The following NAALADL2 variants were observed in gnomAD, a reference collection of about 807,000 sequenced individuals.
NAALADL2 encodes inactive N-acetylated-alpha-linked acidic dipeptidase-like protein 2.
A neutral mutation model predicts 87.2 loss-of-function variants in NAALADL2; 76 were observed. The ratio of observed to expected loss-of-function variants is 0.87; its 90% CI spans 0.72 to 1.05. The LOEUF (loss-of-function observed/expected upper bound fraction) is 1.05. Ranked by LOEUF, NAALADL2 falls within the 50% of genes least tolerant of loss-of-function variation. The pLI is 0.00. For missense variants in NAALADL2, 1,089 were observed against 945.8 expected (o/e 1.15, Z -1.99); for synonymous variants, 354 against 331.0 (o/e 1.07, Z -0.75).
chr3:175,279,585 A>T (rs1754008227), intron 4 of NAALADL2, among the ~76,000 whole-genome samples: 1 of 151,988 alleles, frequency 6.6e-6, no homozygotes, highest in African/African-American at 2.4e-5. Context: ...TGTCTCTTTA[A>T]AACCACATAC....
At chr3:175,571,468 C>A (rs185844784) in intron 9 of NAALADL2, among the ~76,000 whole-genome samples, 50 of 152,250 alleles carry the variant, frequency 3.3e-4, no homozygotes, top group Non-Finnish European at 6.6e-4. Context: ...TTGCTGCCAA[C>A]CTCCCCTCTT....
At chr3:174,705,039 T>A (rs1430106894) in intron 2 of NAALADL2, among the ~76,000 whole-genome samples, 1 of 152,162 alleles carries the variant, frequency 6.6e-6, no homozygotes, top group African/African-American at 2.4e-5. Context: ...GCAAAATCAT[T>A]ATTTACCCAG....
intron 9 of NAALADL2, among the ~76,000 whole-genome samples, chr3:175,571,145 AT>A (rs1395538840): frequency 2.0e-5 from 3 of 152,118 alleles, no homozygotes; most frequent in African/African-American, 7.2e-5. Context: ...TATTGACTTA[AT>A]TTTTTTATCT....
At position 175,804,235 on chromosome 3, in the gene NAALADL2, A is replaced by G. The variant is rs1224050016; in HGVS notation, c.*1032A>G. On this transcript the variant is annotated 3_prime_UTR_variant, in exon 14 of 14. Coordinates refer to ENST00000454872, the MANE Select transcript of NAALADL2 (RefSeq NM_207015.3). ...CTATGAAAGAAATAGTTGTTTTATC[A>G]ATAAAAGCCCCTTAATATTATGAAG... 2 of 151,916 alleles carry G rather than the reference A, an allele frequency of 1.3e-5. No homozygotes were observed. Among genetic ancestry groups the G allele is most frequent in the Admixed American group, 1.3e-4 (2 of 15,220 alleles). 9.4% of individuals were successfully genotyped at this position (151,916 alleles called of 1,614,324 possible).
intron 13 of NAALADL2, among the ~76,000 whole-genome samples, chr3:175,762,641 A>G (rs2150152797): frequency 6.6e-6 from 1 of 152,328 alleles, no homozygotes; most frequent in South Asian, 2.1e-4. Flanking sequence ...CCCCAGAATC[A>G]CAGCAGTGAA....
chr3:174,905,990 T>C (rs1461762415), intron 1 of NAALADL2, among the ~76,000 whole-genome samples: 1 of 149,110 alleles, frequency 6.7e-6, no homozygotes, highest in Non-Finnish European at 1.5e-5. Context: ...ACATTAATTC[T>C]TCATTTTTTT....
chr3:175,208,438 A>G (rs1017007057), intron 2 of NAALADL2, among the ~76,000 whole-genome samples: 9 of 152,128 alleles, frequency 5.9e-5, no homozygotes, highest in Admixed American at 5.2e-4. Flanking sequence ...TTTGTACTCC[A>G]TTCAGAACAC....
intron 1 of NAALADL2, among the ~76,000 whole-genome samples, chr3:175,055,411 A>C (rs529474356): frequency 3.7e-4 from 56 of 152,338 alleles, no homozygotes; most frequent in Non-Finnish European, 1.3e-4. Context: ...TCCCTCTGGC[A>C]AGGGTCCACA....
At chr3:175,026,042 C>A (rs1752175632) in intron 1 of NAALADL2, among the ~76,000 whole-genome samples, 1 of 152,070 alleles carries the variant, frequency 6.6e-6, no homozygotes, top group South Asian at 2.1e-4. Context: ...AATTCCTGGG[C>A]TCAAACCATA....
At chr3:175,308,673 C>A (rs555484644) in intron 4 of NAALADL2, among the ~76,000 whole-genome samples, 1 of 151,814 alleles carries the variant, frequency 6.6e-6, no homozygotes, top group Non-Finnish European at 1.5e-5. Context: ...ATTTATTCAC[C>A]CCAGATGGAA....
chr3:175,572,300 A>G (rs1364641582), intron 9 of NAALADL2, among the ~76,000 whole-genome samples: 1 of 152,048 alleles, frequency 6.6e-6, no homozygotes, highest in African/African-American at 2.4e-5. Flanking sequence ...CTCCATAAAT[A>G]GTCCACATGT....
chr3:175,486,679 G>C (rs1308424155), intron 9 of NAALADL2, among the ~76,000 whole-genome samples: 1 of 152,102 alleles, frequency 6.6e-6, no homozygotes, highest in Admixed American at 6.6e-5. Flanking sequence ...TCTCTTGGAG[G>C]CTGATTTAGA....
chr3:175,309,185 CT>C (rs1029528876), intron 4 of NAALADL2, among the ~76,000 whole-genome samples: 2 of 151,296 alleles, frequency 1.3e-5, no homozygotes, highest in Admixed American at 6.6e-5. Flanking sequence ...AATCATGTAT[CT>C]TTTTTTTTCT....
chr3:175,516,271 T>C lies in NAALADL2; in HGVS notation c.1653+44513T>C, dbSNP rs181033563. Among the ~76,000 whole-genome samples, 9 of 152,348 alleles carry C rather than the reference T, an allele frequency of 5.9e-5. No individual in the cohort carries two copies. In the East Asian group the frequency reaches 1.7e-3, roughly 29 times the overall value. On this transcript the variant is annotated intron_variant, in intron 9 of 13. Transcript: ENST00000454872. ...TGAGATAGCCCTATTGTTTATCTTT[T>C]GTTTAAATATTGGCCCATATCTCTT...
At chr3:175,015,166 A>G (rs1307567092) in intron 1 of NAALADL2, among the ~76,000 whole-genome samples, 1 of 152,136 alleles carries the variant, frequency 6.6e-6, no homozygotes, top group Non-Finnish European at 1.5e-5. Context: ...ATTTGAGACT[A>G]GGCTTAAAAA....
chr3:175,082,904 T>G (rs1034306725), intron 1 of NAALADL2, among the ~76,000 whole-genome samples: 1 of 152,334 alleles, frequency 6.6e-6, no homozygotes, highest in Admixed American at 6.5e-5. Context: ...TGGGCATAGC[T>G]AAATGGATTT....
intron 2 of NAALADL2, among the ~76,000 whole-genome samples, chr3:174,554,852 AT>A (rs1178589348): frequency 2.6e-5 from 4 of 152,166 alleles, no homozygotes; most frequent in Non-Finnish European, 5.9e-5. Flanking sequence ...AACAATCGAA[AT>A]TTTTACTCAC....
At chr3:175,165,042 CAG>C (rs1478580564) in intron 2 of NAALADL2, among the ~76,000 whole-genome samples, 2 of 152,146 alleles carry the variant, frequency 1.3e-5, no homozygotes, top group African/African-American at 4.8e-5. Flanking sequence ...CCTGTAGACA[CAG>C]GGGATCAAGG....
chr3:174,638,186 T>C (rs934592596), intron 2 of NAALADL2, among the ~76,000 whole-genome samples: 1 of 152,236 alleles, frequency 6.6e-6, no homozygotes, highest in Non-Finnish European at 1.5e-5. Flanking sequence ...TGTCTTATTG[T>C]AATCACAATG....
Sources: allele counts gnomAD v4.1 joint callset (sites outside exome capture counted in the v4.1 genomes callset), GRCh38; gene constraint gnomAD v4.1.1; transcripts MANE v1.5; gene names NCBI Gene and HGNC (gene_info 2026-07-23, HGNC 2026-07-21).